The following ASTN1 variants were observed in gnomAD, a reference collection of about 807,000 sequenced individuals.
ASTN1 encodes astrotactin 1, also known as astrotactin-1.
In ASTN1, 41 loss-of-function variants were observed where a neutral mutation model predicts 140.7. That is an observed-to-expected ratio of 0.29 (90% CI 0.23 to 0.38). ASTN1 has a LOEUF of 0.38. ASTN1 is among the 10% of genes least tolerant of loss of function. The pLI is 1.00. For missense variants in ASTN1, 1,479 were observed against 1,678.8 expected, an observed-to-expected ratio of 0.88 and a Z score of 2.08; for synonymous variants, 640 against 652.2, an observed-to-expected ratio of 0.98 and a Z score of 0.29.
At position 176,862,291 on chromosome 1, in the gene ASTN1, G is replaced by A. The variant is rs1236170393; in HGVS notation, c.*1993C>T. 7 of 985,432 alleles carry A rather than the reference G, an allele frequency of 7.1e-6. No individual in the cohort carries two copies. In the East Asian group the frequency reaches 5.7e-4, roughly 80 times the overall value. 61.0% of individuals were successfully genotyped at this position (985,432 alleles called of 1,614,324 possible). A position where few individuals can be genotyped will look rare whatever the true frequency, so the allele number is the denominator to read the frequency against. ...TTCAGTGTTTGGAAAGAAGGAGAGA[G>A]GAGAGTGAAACCACCCTGTGCTTTA... On this transcript the variant is annotated 3_prime_UTR_variant, in exon 23 of 23. Transcript: ENST00000361833.
intron 20 of ASTN1, among the ~76,000 whole-genome samples, chr1:176,879,340 G>T (rs1036572023): frequency 6.6e-6 from 1 of 152,126 alleles, no homozygotes; most frequent in African/African-American, 2.4e-5. Context: ...TGGAACTCAG[G>T]TCAGGGCTGC....
intron 1 of ASTN1, among the ~76,000 whole-genome samples, chr1:177,089,286 G>C (rs1053654154): frequency 7.9e-5 from 12 of 152,156 alleles, no homozygotes; most frequent in African/African-American, 2.7e-4. Flanking sequence ...AGCCCCTTGA[G>C]AGTGTCTGGA....
chr1:177,004,148 C>G (rs1674876279), intron 8 of ASTN1, among the ~76,000 whole-genome samples: 1 of 151,948 alleles, frequency 6.6e-6, no homozygotes, highest in East Asian at 1.9e-4. Context: ...ACAATGTATA[C>G]AAATTATTGG....
chr1:176,984,847 C>T (rs550693353), intron 8 of ASTN1, among the ~76,000 whole-genome samples: 1 of 152,254 alleles, frequency 6.6e-6, no homozygotes, highest in South Asian at 2.1e-4. Context: ...TCATTCCTGC[C>T]AAATGACTGA....
chr1:176,894,410 A>G (rs2103038409), intron 17 of ASTN1, 152 bp downstream of exon 17: 3 of 1,034,146 alleles, frequency 2.9e-6, no homozygotes, highest in Non-Finnish European at 4.1e-6. Flanking sequence ...GCAAATTTAA[A>G]CAAATTAGGT....
chr1:177,009,205 T>C (rs1675159479), intron 8 of ASTN1, among the ~76,000 whole-genome samples: 1 of 152,112 alleles, frequency 6.6e-6, no homozygotes, highest in South Asian at 2.1e-4. Flanking sequence ...CTTGCTCAGT[T>C]TTAGGTGGAC....
chr1:176,975,931 T>C (rs955377503), intron 8 of ASTN1: 1 of 152,186 alleles, frequency 6.6e-6, no homozygotes, highest in African/African-American at 2.4e-5. Context: ...CTGATCTTTA[T>C]AGATGAGTTT....
chr1:177,098,736 C>A (rs1250164639), intron 1 of ASTN1, among the ~76,000 whole-genome samples: 2 of 152,166 alleles, frequency 1.3e-5, no homozygotes, highest in African/African-American at 4.8e-5. Flanking sequence ...ATAAACTAAT[C>A]CCCATTCCTT....
rs143820232 is a variant in ASTN1, at chr1:177,149,887, A to T, written c.283+14507T>A. Among the ~76,000 whole-genome samples the T allele has an allele frequency of 1.4e-3, 186 of 136,368 alleles. 1 individual carries two copies. The highest frequency in any genetic ancestry group is 7.5e-3 in the Middle Eastern group (2 of 266). The allele number at this position is 136,368 out of a possible 152,430, so 89.5% of individuals were successfully genotyped here. On this transcript the variant is annotated intron_variant, in intron 1 of 22. Transcript: ENST00000361833. ...GTAAATATATATACAGTGTATATAT[A>T]TAGTAAATATATGTATATATATATA...
At chr1:177,110,409 T>TAA (rs910665656) in intron 1 of ASTN1, among the ~76,000 whole-genome samples, 7 of 152,198 alleles carry the variant, frequency 4.6e-5, no homozygotes, top group Non-Finnish European at 7.4e-5. Context: ...GTGTCTAACA[T>TAA]AACATTAGCT....
At chr1:177,010,476 T>C (rs1039757684) in intron 8 of ASTN1, among the ~76,000 whole-genome samples, 1 of 152,242 alleles carries the variant, frequency 6.6e-6, no homozygotes, top group Non-Finnish European at 1.5e-5. Context: ...ACATTCCATG[T>C]TCTTTTAATA....
At chr1:177,044,559 C>A (rs1008029353) in intron 2 of ASTN1, among the ~76,000 whole-genome samples, 22 of 152,208 alleles carry the variant, frequency 1.4e-4, no homozygotes, top group Admixed American at 1.4e-3. Context: ...GGAAATTGAG[C>A]GGCAGCTCTT....
At chr1:176,968,654 G>A (rs924389367) in intron 8 of ASTN1, among the ~76,000 whole-genome samples, 7 of 152,196 alleles carry the variant, frequency 4.6e-5, no homozygotes, top group African/African-American at 4.8e-5. Context: ...CCTCTAGTCC[G>A]GAATGATCTG....
At chr1:177,059,973 A>G (rs1384266263) in intron 2 of ASTN1, among the ~76,000 whole-genome samples, 1 of 152,240 alleles carries the variant, frequency 6.6e-6, no homozygotes. Flanking sequence ...GTATTTGTTT[A>G]CCAGTACAAT....
At chr1:177,025,685 A>G (rs1676072489) in intron 5 of ASTN1, among the ~76,000 whole-genome samples, 1 of 152,060 alleles carries the variant, frequency 6.6e-6, no homozygotes, top group Non-Finnish European at 1.5e-5. Context: ...TTTTTTACGT[A>G]CCTTATTTTA....
intron 22 of ASTN1, among the ~76,000 whole-genome samples, chr1:176,866,178 C>T (rs1157576426): frequency 6.6e-6 from 1 of 152,168 alleles, no homozygotes; most frequent in Non-Finnish European, 1.5e-5. Context: ...AGATGACCTC[C>T]CTGCATTTCT....
At chr1:177,004,934 A>G (rs964547289) in intron 8 of ASTN1, among the ~76,000 whole-genome samples, 8 of 152,234 alleles carry the variant, frequency 5.3e-5, no homozygotes, top group African/African-American at 1.9e-4. Flanking sequence ...TTTATGACTA[A>G]GACCCCAAAA....
At chr1:177,075,800 G>T (rs1366026102) in intron 1 of ASTN1, among the ~76,000 whole-genome samples, 2 of 151,494 alleles carry the variant, frequency 1.3e-5, no homozygotes, top group African/African-American at 4.8e-5. Context: ...ATGTGCACTG[G>T]TGAGCCTAGT....
intron 16 of ASTN1, among the ~76,000 whole-genome samples, chr1:176,903,459 G>A (rs1557947795): frequency 6.6e-6 from 1 of 152,176 alleles, no homozygotes; most frequent in South Asian, 2.1e-4. Flanking sequence ...AGGGCGAAGT[G>A]AGGATGTACC....
Sources: gnomAD v4.1 joint callset for allele counts (sites outside exome capture counted in the v4.1 genomes callset) on GRCh38, gnomAD v4.1.1 for gene constraint, MANE v1.5 for transcripts, NCBI Gene and HGNC (gene_info 2026-07-23, HGNC 2026-07-21) for gene names.